The following TTC29 variants were observed in gnomAD, a reference collection of about 807,000 sequenced individuals.
The protein encoded by TTC29 is tetratricopeptide repeat domain 29.
In TTC29, 49 loss-of-function variants were observed where a neutral mutation model predicts 58.1. The ratio of observed to expected loss-of-function variants is 0.84; its 90% confidence interval spans 0.67 to 1.07. TTC29 has a LOEUF of 1.07. Among genes scored for constraint, TTC29 ranks in the 50% least tolerant of loss-of-function variants. The pLI is 0.00. For missense variants in TTC29, 582 were observed against 555.6 expected (o/e 1.05, Z -0.48); for synonymous variants, 209 against 196.8 (o/e 1.06, Z -0.52).
intron 11 of TTC29, among the ~76,000 whole-genome samples, chr4:146,798,885 T>C (rs922182157): frequency 4.0e-5 from 1 of 24,798 alleles, no homozygotes; most frequent in African/African-American, 1.8e-4. Flanking sequence ...AGACTCCGTC[T>C]CAAAAAAAAA....
At chr4:146,861,923 G>A (rs1730260059) in intron 8 of TTC29, among the ~76,000 whole-genome samples, 1 of 152,104 alleles carries the variant, frequency 6.6e-6, no homozygotes, top group South Asian at 2.1e-4. Context: ...ATACAAGTGA[G>A]AAGATAAAAT....
chr4:146,753,367 A>C, intron 11 of TTC29, among the ~76,000 whole-genome samples: 1 of 152,234 alleles, frequency 6.6e-6, no homozygotes. Flanking sequence ...ATCTCACACC[A>C]GTTAGAATGA....
intron 11 of TTC29, among the ~76,000 whole-genome samples, chr4:146,785,984 TAC>T (rs149100538): frequency 0.22 from 33,157 of 148,870 alleles, 4,005 homozygotes; most frequent in East Asian, 0.35. Flanking sequence ...TATATATGTG[TAC>T]ACACACACAC....
At chr4:146,714,630 G>A (rs935110753) in intron 11 of TTC29, among the ~76,000 whole-genome samples, 2 of 151,508 alleles carry the variant, frequency 1.3e-5, no homozygotes, top group African/African-American at 4.8e-5. Flanking sequence ...AATGTACAAT[G>A]ACATACCCAC....
intron 6 of TTC29, among the ~76,000 whole-genome samples, chr4:146,887,412 C>T (rs12500702): frequency 2.0e-5 from 3 of 151,932 alleles, no homozygotes; most frequent in African/African-American, 7.3e-5. Flanking sequence ...ACCGTTAAAT[C>T]AGTTTGAAAA....
At chr4:146,743,130 A>G (rs1745285307) in intron 11 of TTC29, among the ~76,000 whole-genome samples, 1 of 152,174 alleles carries the variant, frequency 6.6e-6, no homozygotes, top group Non-Finnish European at 1.5e-5. Flanking sequence ...AATTTCATGT[A>G]GAAAACATTC....
rs4835054 is a variant in TTC29 at position 146,844,592 on chromosome 4, G to T, written c.886-10695C>A. On this transcript the variant is annotated intron_variant, in intron 8 of 12. Transcript: ENST00000325106. The stretch of plus-strand genomic sequence containing the variant: ...GATGGGGTTTTGTCATGTTGCTTAC[G>T]CTGGTCTTGAACTCCTGGGCTCATG... Among the ~76,000 whole-genome samples the T allele has an allele frequency of 2.0e-4, 31 of 151,526 alleles. No homozygotes were observed. The East Asian group carries it at 3.1e-3, about 15-fold the overall frequency.
At chr4:146,708,799 C>T (rs956836085) in intron 11 of TTC29, among the ~76,000 whole-genome samples, 1 of 151,916 alleles carries the variant, frequency 6.6e-6, no homozygotes, top group Non-Finnish European at 1.5e-5. Flanking sequence ...GTCCTATATC[C>T]TTACCCTATT....
intron 8 of TTC29, among the ~76,000 whole-genome samples, chr4:146,865,992 T>C (rs1730537759): frequency 6.6e-6 from 1 of 152,160 alleles, no homozygotes; most frequent in Non-Finnish European, 1.5e-5. Context: ...ACAGTGCATA[T>C]AAAATGCAAC....
intron 11 of TTC29, among the ~76,000 whole-genome samples, chr4:146,784,358 T>C (rs1329935920): frequency 6.6e-6 from 1 of 152,102 alleles, no homozygotes; most frequent in Non-Finnish European, 1.5e-5. Context: ...TCATATGTGG[T>C]TTATGAAGAC....
intron 4 of TTC29, among the ~76,000 whole-genome samples, chr4:146,918,653 C>A (rs1051362568): frequency 6.6e-5 from 10 of 151,068 alleles, no homozygotes; most frequent in Non-Finnish European, 1.5e-5. Context: ...TTTACAATAA[C>A]TTTAGATAAT....
chr4:146,925,997 C>G (rs4298152), intron 4 of TTC29, among the ~76,000 whole-genome samples: 71,206 of 151,938 alleles, frequency 0.47, 17,492 homozygotes, highest in African/African-American at 0.61. Context: ...TCCATGCCTT[C>G]GTCTCTGGGA....
At chr4:146,813,924 C>T (rs938790867) in intron 10 of TTC29, among the ~76,000 whole-genome samples, 2 of 152,174 alleles carry the variant, frequency 1.3e-5, no homozygotes, top group Admixed American at 6.5e-5. Flanking sequence ...GCAGAGGTTG[C>T]AGTGAGCTGA....
intron 9 of TTC29, among the ~76,000 whole-genome samples, chr4:146,821,241 C>A (rs1182409879): frequency 6.6e-6 from 1 of 152,096 alleles, no homozygotes; most frequent in Admixed American, 6.6e-5. Flanking sequence ...ATAATGGGTA[C>A]AAGGTTTCCT....
At chr4:146,898,208 T>A (rs1250804154) in intron 6 of TTC29, among the ~76,000 whole-genome samples, 1 of 152,172 alleles carries the variant, frequency 6.6e-6, no homozygotes, top group Non-Finnish European at 1.5e-5. Flanking sequence ...CTCCTCTCTA[T>A]GAGATCAAAA....
At chr4:146,922,462 T>C (rs1734658543) in intron 4 of TTC29, among the ~76,000 whole-genome samples, 2 of 151,722 alleles carry the variant, frequency 1.3e-5, no homozygotes, top group Non-Finnish European at 1.5e-5. Flanking sequence ...CTAAACATAG[T>C]AGCACGAACG....
intron 2 of TTC29, chr4:146,942,638 A>G (rs1186776471): frequency 1.2e-5 from 19 of 1,532,490 alleles, no homozygotes; most frequent in Non-Finnish European, 1.7e-5. Context: ...CCAATGTTAC[A>G]GTGAACATCG....
chr4:146,776,319 C>T (rs1748087419), intron 11 of TTC29, among the ~76,000 whole-genome samples: 1 of 152,130 alleles, frequency 6.6e-6, no homozygotes, highest in African/African-American at 2.4e-5. Flanking sequence ...GGAACCATTG[C>T]TGGGGAACTA....
At chr4:146,804,272 G>C (rs1283678056) in intron 10 of TTC29, among the ~76,000 whole-genome samples, 1 of 152,116 alleles carries the variant, frequency 6.6e-6, no homozygotes, top group Non-Finnish European at 1.5e-5. Context: ...GATTCCCTCT[G>C]GTGCCTATGG....
Sources: gnomAD v4.1 joint callset for allele counts (sites outside exome capture counted in the v4.1 genomes callset) on GRCh38, gnomAD v4.1.1 for gene constraint, MANE v1.5 for transcripts, NCBI Gene and HGNC (gene_info 2026-07-23, HGNC 2026-07-21) for gene names.